PACS1: variants seen among roughly 807,000 people sequenced by gnomAD.
PACS1 encodes the protein PACS-1.
In PACS1, 24 loss-of-function variants were observed where a neutral mutation model predicts 115.0. That is an observed-to-expected ratio of 0.21 (90% confidence interval 0.15 to 0.29). The LOEUF is 0.29. Among genes scored for constraint, PACS1 ranks in the 10% least tolerant of loss-of-function variants. The probability of loss-of-function intolerance (pLI) is 1.00; values close to 1 mark genes in which losing one functional copy is unlikely to be tolerated. For missense variants in PACS1, 838 were observed against 1,251.2 expected (o/e 0.67, Z 4.98); for synonymous variants, 453 against 504.5 (o/e 0.90, Z 1.37).
intron 11 of PACS1, among the ~76,000 whole-genome samples, chr11:66,229,211 CA>C (rs386374029): frequency 4.1e-3 from 262 of 63,206 alleles, no homozygotes; most frequent in Middle Eastern, 0.019. Context: ...CCCGTCTCTA[CA>C]AAAAAAAAAA....
chr11:66,097,049 T>C (rs1390676455), intron 1 of PACS1, among the ~76,000 whole-genome samples: 3 of 152,074 alleles, frequency 2.0e-5, no homozygotes, highest in Non-Finnish European at 4.4e-5. Context: ...ATGGTGTGTC[T>C]TAGAGTAGGT....
chr11:66,194,032 C>T (rs370269997), intron 2 of PACS1, among the ~76,000 whole-genome samples: 1 of 152,150 alleles, frequency 6.6e-6, no homozygotes, highest in Non-Finnish European at 1.5e-5. Context: ...GGCGCGATCT[C>T]GGCTCACTGC....
At chr11:66,138,848 A>G (rs1167247051) in intron 1 of PACS1, among the ~76,000 whole-genome samples, 1 of 151,800 alleles carries the variant, frequency 6.6e-6, no homozygotes, top group East Asian at 1.9e-4. Context: ...ACGCCCAGCT[A>G]ATTTTTGTAT....
At chr11:66,098,587 A>C (rs981947132) in intron 1 of PACS1, among the ~76,000 whole-genome samples, 1 of 152,182 alleles carries the variant, frequency 6.6e-6, no homozygotes, top group African/African-American at 2.4e-5. Flanking sequence ...TAAGTCAGAC[A>C]ATTTGCAGTG....
intron 1 of PACS1, among the ~76,000 whole-genome samples, chr11:66,177,568 A>G (rs1027544126): frequency 7.9e-5 from 12 of 152,074 alleles, no homozygotes; most frequent in Admixed American, 3.3e-4. Flanking sequence ...CACCTACTCT[A>G]TCCTTCTATT....
intron 1 of PACS1, among the ~76,000 whole-genome samples, chr11:66,187,921 C>T (rs973363575): frequency 1.3e-5 from 2 of 152,180 alleles, no homozygotes; most frequent in African/African-American, 4.8e-5. Flanking sequence ...TTCACATTCA[C>T]TAGTTACAAC....
chr11:66,230,006 G>T (rs150899728), intron 11 of PACS1, among the ~76,000 whole-genome samples: 1 of 152,090 alleles, frequency 6.6e-6, no homozygotes, highest in Admixed American at 6.5e-5. Flanking sequence ...GGGCTCAGAA[G>T]GTGGGATAGA....
At chr11:66,231,934 A>G (rs1376969119) in intron 13 of PACS1, 4 of 429,662 alleles carry the variant, frequency 9.3e-6, no homozygotes, top group African/African-American at 2.0e-5. Context: ...TGGCAGGACA[A>G]CCGCTGTGGC....
chr11:66,158,234 G>A (rs1182366947), intron 1 of PACS1, among the ~76,000 whole-genome samples: 1 of 152,220 alleles, frequency 6.6e-6, no homozygotes, highest in African/African-American at 2.4e-5. Flanking sequence ...TTCCCAAAGT[G>A]CTGGGACTAC....
chr11:66,214,029 T>A (rs1855140043), intron 4 of PACS1, among the ~76,000 whole-genome samples: 2 of 75,420 alleles, frequency 2.7e-5, no homozygotes, highest in African/African-American at 1.0e-4. Flanking sequence ...CGAGACTCCA[T>A]CTCAAAAAAA....
At chr11:66,172,268 C>T (rs1165174061) in intron 1 of PACS1, among the ~76,000 whole-genome samples, 2 of 152,210 alleles carry the variant, frequency 1.3e-5, no homozygotes, top group Non-Finnish European at 2.9e-5. Flanking sequence ...CCACGGTCTC[C>T]CTTATGACTG....
chr11:66,074,974 G>A (rs1386697327), intron 1 of PACS1, among the ~76,000 whole-genome samples: 5 of 111,366 alleles, frequency 4.5e-5, no homozygotes, highest in African/African-American at 1.1e-4. Context: ...ATGGAGTCTC[G>A]CTCTGTCGCC....
rs1855870025 is a variant in PACS1, at chr11:66,243,989, T to C, written c.*709T>C. On this transcript the variant is annotated 3_prime_UTR_variant, in exon 24 of 24. Transcript: ENST00000320580. ...GCACGACTTCCTCACCACCCCCAGG[T>C]TCCCTGCAGATGTCGTGTGTGTCCT... 6.6e-6 allele frequency: 1 copy of C among 152,336 alleles called. No homozygotes were observed. Among genetic ancestry groups the C allele is most frequent in the Admixed American group, 6.5e-5 (1 of 15,278 alleles). The allele number at this position is 152,336 out of a possible 1,614,324, so 9.4% of individuals were successfully genotyped here. A position where few individuals can be genotyped will look rare whatever the true frequency, so the allele number is the denominator to read the frequency against.
intron 1 of PACS1, among the ~76,000 whole-genome samples, chr11:66,172,998 A>C (rs776548865): frequency 6.7e-6 from 1 of 149,024 alleles, no homozygotes; most frequent in Non-Finnish European, 1.5e-5. Flanking sequence ...AAAAAGTGTT[A>C]TCAGTATTGT....
At chr11:66,205,212 T>G (rs1396129496) in intron 2 of PACS1, among the ~76,000 whole-genome samples, 2 of 152,106 alleles carry the variant, frequency 1.3e-5, no homozygotes, top group Non-Finnish European at 2.9e-5. Flanking sequence ...CTTGAACTCC[T>G]GACCTCAGGT....
chr11:66,105,761 T>C (rs1254762947), intron 1 of PACS1, among the ~76,000 whole-genome samples: 2 of 152,220 alleles, frequency 1.3e-5, no homozygotes, highest in Non-Finnish European at 2.9e-5. Flanking sequence ...TGGTGTTGAA[T>C]CTCAGCATTG....
chr11:66,174,527 C>A (rs1797121599), intron 1 of PACS1, among the ~76,000 whole-genome samples: 1 of 152,152 alleles, frequency 6.6e-6, no homozygotes, highest in Non-Finnish European at 1.5e-5. Flanking sequence ...ACTCAAGTGT[C>A]CACCAACTTG....
intron 1 of PACS1, among the ~76,000 whole-genome samples, chr11:66,097,950 G>A (rs1167324822): frequency 6.6e-6 from 1 of 152,192 alleles, no homozygotes; most frequent in Non-Finnish European, 1.5e-5. Flanking sequence ...GGCCAAGGTG[G>A]GTGGATCGCC....
intron 1 of PACS1, among the ~76,000 whole-genome samples, chr11:66,124,160 A>G (rs1432889861): frequency 6.6e-6 from 1 of 152,250 alleles, no homozygotes; most frequent in Admixed American, 6.5e-5. Context: ...ATGCTGCCAT[A>G]GAACAGGAGT....
Sources: allele counts gnomAD v4.1 joint callset (sites outside exome capture counted in the v4.1 genomes callset), GRCh38; gene constraint gnomAD v4.1.1; transcripts MANE v1.5; gene names NCBI Gene and HGNC (gene_info 2026-07-23, HGNC 2026-07-21).